The following BCAS1 variants were observed in gnomAD, a reference collection of about 807,000 sequenced individuals.
BCAS1 encodes the protein brain enriched myelin associated protein 1.
BCAS1 carries 46 observed loss-of-function variants against 65.4 expected under a neutral mutation model. That is an observed-to-expected ratio of 0.70 (90% CI 0.55 to 0.90). BCAS1 has a LOEUF of 0.90. Among genes scored for constraint, BCAS1 ranks in the 40% least tolerant of loss-of-function variants. The pLI is 0.00. For missense variants in BCAS1, 793 were observed against 771.2 expected (o/e 1.03, Z -0.33); for synonymous variants, 298 against 293.5 (o/e 1.02, Z -0.16).
intron 4 of BCAS1, among the ~76,000 whole-genome samples, chr20:53,998,142 C>T (rs2090966228): frequency 6.6e-6 from 1 of 152,146 alleles, no homozygotes; most frequent in Non-Finnish European, 1.5e-5. Flanking sequence ...TATGGTGGCA[C>T]TGCATTTAGA....
At position 53,944,604 on chromosome 20, in the gene BCAS1, C is replaced by G; in HGVS notation, c.*318G>C. ...GATTACAGGCGAGAGCCACCACGCC[C>G]GGCCACCACTGCCATTTTCATCACT... is the stretch of plus-strand genomic sequence containing the variant. On this transcript the variant is annotated 3_prime_UTR_variant, in exon 13 of 13. Coordinates refer to ENST00000688948, the MANE Select transcript of BCAS1 (RefSeq NM_001366298.2). The G allele has an allele frequency of 3.6e-6, 1 of 277,648 alleles. No homozygotes were observed. Among genetic ancestry groups the G allele is most frequent in the Non-Finnish European group, 7.1e-6 (1 of 141,248 alleles). The allele number at this position is 277,648 out of a possible 1,614,324, so 17.2% of individuals were successfully genotyped here. A position where few individuals can be genotyped will look rare whatever the true frequency, so the allele number is the denominator to read the frequency against.
chr20:53,971,837 G>C (rs1022697179), intron 9 of BCAS1, among the ~76,000 whole-genome samples: 1 of 152,126 alleles, frequency 6.6e-6, no homozygotes, highest in African/African-American at 2.4e-5. Context: ...TGGAAGGAAA[G>C]AAATTTTTTT....
At chr20:54,014,044 T>A (rs1600869549) in intron 4 of BCAS1, among the ~76,000 whole-genome samples, 1 of 152,162 alleles carries the variant, frequency 6.6e-6, no homozygotes, top group Admixed American at 6.5e-5. Context: ...ACTAAAAAAA[T>A]TTAAAAACAT....
chr20:54,014,849 T>G (rs2091400277), intron 4 of BCAS1, among the ~76,000 whole-genome samples: 1 of 152,226 alleles, frequency 6.6e-6, no homozygotes, highest in South Asian at 2.1e-4. Flanking sequence ...TTCATTTTTC[T>G]TCTTCTGAAA....
At chr20:54,038,135 A>G (rs113162472) in intron 3 of BCAS1, among the ~76,000 whole-genome samples, 1,745 of 151,258 alleles carry the variant, frequency 0.012, 63 homozygotes, top group South Asian at 0.043. Flanking sequence ...ACATACCAAC[A>G]TGTTTCCACC....
intron 4 of BCAS1, among the ~76,000 whole-genome samples, chr20:54,014,337 G>T (rs1019770959): frequency 1.3e-5 from 2 of 152,206 alleles, no homozygotes; most frequent in Non-Finnish European, 2.9e-5. Flanking sequence ...AGAGCAAACA[G>T]ATAGGAACAC....
chr20:53,970,243 G>C (rs1287430169), intron 9 of BCAS1, among the ~76,000 whole-genome samples: 1 of 152,060 alleles, frequency 6.6e-6, no homozygotes, highest in Non-Finnish European at 1.5e-5. Flanking sequence ...ATAAATCCTA[G>C]GCCACAAGTC....
chr20:54,039,687 A>AT lies in BCAS1; in HGVS notation c.143-10716dup, dbSNP rs561340800. 5.3e-5 allele frequency among the ~76,000 whole-genome samples: 8 copies of AT among 150,464 alleles called. No homozygotes were observed. The East Asian group carries it at 1.2e-3, about 23-fold the overall frequency. On this transcript the variant is annotated intron_variant, in intron 3 of 12. Transcript: ENST00000688948. ...AAAGACAAATCAGATGTTTCATTTG[A>AT]TTTTTTTTATAAATCTGATAATAAT...
At chr20:54,006,538 C>T (rs376541794) in intron 4 of BCAS1, among the ~76,000 whole-genome samples, 6 of 152,126 alleles carry the variant, frequency 3.9e-5, no homozygotes, top group South Asian at 2.1e-4. Flanking sequence ...GGTGAAACCC[C>T]GCCTCTATTA....
chr20:54,041,771 C>T (rs1002803876), intron 3 of BCAS1, among the ~76,000 whole-genome samples: 6 of 151,004 alleles, frequency 4.0e-5, no homozygotes, highest in Admixed American at 3.3e-4. Flanking sequence ...TAGTGGCGGG[C>T]GCCTGTAATC....
chr20:54,020,412 G>A (rs148492929), intron 4 of BCAS1, among the ~76,000 whole-genome samples: 9 of 152,290 alleles, frequency 5.9e-5, no homozygotes, highest in Non-Finnish European at 1.0e-4. Flanking sequence ...CAAGTAGATA[G>A]TACAAATGTA....
chr20:54,005,178 A>ACACTGTCTTTTTATT, intron 4 of BCAS1, among the ~76,000 whole-genome samples: 1 of 152,176 alleles, frequency 6.6e-6, no homozygotes, highest in East Asian at 1.9e-4. Flanking sequence ...AAGTGAGGCT[A>ACACTGTCTTTTTATT]AGCACAGTGG....
intron 10 of BCAS1, among the ~76,000 whole-genome samples, chr20:53,961,666 G>C (rs78503219): frequency 6.6e-6 from 1 of 152,306 alleles, no homozygotes; most frequent in East Asian, 1.9e-4. Context: ...CACAACAATG[G>C]AGCATGTGGT....
intron 1 of BCAS1, among the ~76,000 whole-genome samples, chr20:54,067,692 T>C (rs919092970): frequency 6.6e-6 from 1 of 152,076 alleles, no homozygotes; most frequent in African/African-American, 2.4e-5. Flanking sequence ...CCAAACCCCA[T>C]GCAAGCTGGC....
chr20:53,966,588 C>T (rs544108827), intron 10 of BCAS1, among the ~76,000 whole-genome samples: 6 of 152,242 alleles, frequency 3.9e-5, no homozygotes, highest in African/African-American at 1.4e-4. Flanking sequence ...AGAACTAATC[C>T]ATGTAATCTC....
chr20:54,013,046 A>T (rs1774131170), intron 4 of BCAS1, among the ~76,000 whole-genome samples: 1 of 152,238 alleles, frequency 6.6e-6, no homozygotes, highest in Admixed American at 6.5e-5. Flanking sequence ...ACCATCAGCC[A>T]TACAACATAT....
intron 3 of BCAS1, among the ~76,000 whole-genome samples, chr20:54,034,242 T>C (rs2091856160): frequency 6.6e-6 from 1 of 151,384 alleles, no homozygotes; most frequent in Non-Finnish European, 1.5e-5. Flanking sequence ...ATGATCTCTC[T>C]CACCACTCCT....
Position 53,991,584 on chromosome 20 carries a change from G to A in BCAS1, c.1062+928C>T, listed in dbSNP as rs370698942. ...CTGATGGTTTCAGACAAACACTGGC[G>A]TCTTCTTAGACATTGGAAGCATAAT... On this transcript the variant is annotated intron_variant, in intron 7 of 12. Transcript: ENST00000688948. 2.0e-4 allele frequency among the ~76,000 whole-genome samples: 31 copies of A among 152,266 alleles called. No individual in the cohort carries two copies. In the South Asian group the frequency reaches 5.8e-3, roughly 29 times the overall value.
At chr20:54,031,236 A>G (rs1689877382) in intron 3 of BCAS1, among the ~76,000 whole-genome samples, 2 of 151,524 alleles carry the variant, frequency 1.3e-5, no homozygotes, top group Admixed American at 1.3e-4. Flanking sequence ...TTTTTATTTT[A>G]AAGTGCCAAT....
Sources: gnomAD v4.1 joint callset for allele counts (sites outside exome capture counted in the v4.1 genomes callset) on GRCh38, gnomAD v4.1.1 for gene constraint, MANE v1.5 for transcripts, NCBI Gene and HGNC (gene_info 2026-07-23, HGNC 2026-07-21) for gene names.